CCT3: variants seen among roughly 807,000 people sequenced by gnomAD.
The protein encoded by CCT3 is T-complex protein 1 subunit gamma.
CCT3 carries 10 observed loss-of-function variants against 65.3 expected under a neutral mutation model. The observed-to-expected ratio is 0.15, with a 90% CI of 0.09 to 0.26. The LOEUF is 0.26. Ranked by LOEUF, CCT3 falls within the 10% of genes least tolerant of loss-of-function variation. CCT3 has a pLI of 1.00. For synonymous variants in CCT3, 225 were observed against 242.3 expected, an observed-to-expected ratio of 0.93 and a Z score of 0.66; for missense variants, 626 against 708.7, an observed-to-expected ratio of 0.88 and a Z score of 1.33.
intron 8 of CCT3, among the ~76,000 whole-genome samples, chr1:156,318,211 C>A (rs1455242265): frequency 2.0e-5 from 3 of 151,190 alleles, no homozygotes; most frequent in African/African-American, 7.3e-5. Context: ...TTGTGAGCCT[C>A]CTGCCCTCTA....
At chr1:156,315,828 T>C (rs1427336891) in intron 10 of CCT3, among the ~76,000 whole-genome samples, 1 of 152,142 alleles carries the variant, frequency 6.6e-6, no homozygotes, top group Non-Finnish European at 1.5e-5. Context: ...TTAGTTCTCA[T>C]GCATATCTAA....
chr1:156,312,662 A>C lies in CCT3; in HGVS notation c.975-441T>G, dbSNP rs142790555. 1.8e-3 allele frequency among the ~76,000 whole-genome samples: 275 copies of C among 152,064 alleles called. 2 individuals are homozygous for C. Among genetic ancestry groups the C allele is most frequent in the African/African-American group, 6.4e-3 (265 of 41,498 alleles). ...AACAGAGTGGGACCCTATCTAAAAA[A>C]AAACAAACACAAAAACCCCAAAAAA... On this transcript the variant is annotated intron_variant, in intron 10 of 13. Coordinates refer to ENST00000295688, the MANE Select transcript of CCT3 (RefSeq NM_005998.5).
At chr1:156,326,007 T>C (rs1336279846) in intron 5 of CCT3, among the ~76,000 whole-genome samples, 1 of 151,976 alleles carries the variant, frequency 6.6e-6, no homozygotes, top group Non-Finnish European at 1.5e-5. Context: ...CTGCTTGAAC[T>C]AAAAACAAAA....
intron 5 of CCT3, among the ~76,000 whole-genome samples, chr1:156,328,202 G>A (rs1288138050): frequency 8.6e-6 from 1 of 115,882 alleles, no homozygotes; most frequent in African/African-American, 2.8e-5. Context: ...GGGAGGTGGG[G>A]GGGGTCAGTC....
In CCT3 at chr1:156,310,782, G is replaced by T; in HGVS notation, c.1402-93C>A. 4.1e-6 allele frequency: 6 copies of T among 1,481,322 alleles called. No homozygotes were observed. In the South Asian group the frequency reaches 7.3e-5, roughly 18 times the overall value. The allele number at this position is 1,481,322 out of a possible 1,614,324, so 91.8% of individuals were successfully genotyped here. A position where few individuals can be genotyped will look rare whatever the true frequency, so the allele number is the denominator to read the frequency against. On this transcript the variant is annotated intron_variant, in intron 12 of 13. Transcript: ENST00000295688. ...AAAAACAATGGACCAGTATGGAAGG[G>T]ACAGGGAAAAATGGCAATGACAGCA...
rs978014371 is a variant in CCT3 at position 156,319,897 on chromosome 1, A to C, written c.610-880T>G. On this transcript the variant is annotated intron_variant, in intron 7 of 13. Transcript: ENST00000295688. ...CTATTTTAATAGCACTACATAATAG[A>C]GCCCTTGTTAAGCTTATATCCTGAC... is the stretch of plus-strand genomic sequence containing the variant. 3.3e-5 allele frequency among the ~76,000 whole-genome samples: 5 copies of C among 152,152 alleles called. No individual in the cohort carries two copies. The East Asian group carries it at 9.6e-4, about 29-fold the overall frequency.
At position 156,318,872 on chromosome 1, in the gene CCT3, C is replaced by G. The variant is rs1172255965; in HGVS notation, c.755G>C (p.Ser252Thr). The G allele has an allele frequency of 2.5e-6, 4 of 1,611,978 alleles. No homozygotes were observed. In the Admixed American group the frequency reaches 5.1e-5, roughly 20 times the overall value. Residue 252 changes from serine (S) to threonine (T), a missense_variant, in exon 8 of 14, where the codon AGC becomes ACC. Ser to Thr is a moderately conservative substitution (Grantham distance 58). Coordinates refer to ENST00000295688, the MANE Select transcript of CCT3 (RefSeq NM_005998.5). The part of the protein sequence containing the change: ...DSSLEYKKGE[S>T]QTDIEITREE... ...GAACAAGGCCAAGAACCTTACCTGG[C>G]TTTCTCCTTTCTTGTATTCCAGAGA...
At chr1:156,334,984 A>G in intron 2 of CCT3, 66 bp from the exon 3 acceptor site, 4 of 1,420,120 alleles carry the variant, frequency 2.8e-6, no homozygotes, top group Non-Finnish European at 3.0e-6. Flanking sequence ...ATGTTGGAGT[A>G]ATAGGGAAAA....
At chr1:156,329,787 A>C (rs2985709) in intron 5 of CCT3, among the ~76,000 whole-genome samples, 38,816 of 151,254 alleles carry the variant, frequency 0.26, 5,248 homozygotes, top group Non-Finnish European at 0.27. Flanking sequence ...AAAAATACAA[A>C]AATTAGCTGG....
chr1:156,336,667 C>T (rs1665384364), intron 1 of CCT3, among the ~76,000 whole-genome samples: 1 of 152,180 alleles, frequency 6.6e-6, no homozygotes, highest in Non-Finnish European at 1.5e-5. Flanking sequence ...AAATACACCA[C>T]TCACCCCCAG....
chr1:156,329,873 A>C (rs1201580063), intron 5 of CCT3, among the ~76,000 whole-genome samples: 5 of 151,748 alleles, frequency 3.3e-5, no homozygotes, highest in African/African-American at 7.3e-5. Context: ...CGGGAGGCAG[A>C]GGCTGCAGTG....
chr1:156,310,418 C>T (rs554091650), intron 13 of CCT3, 140 bp downstream of exon 13: 48 of 461,988 alleles, frequency 1.0e-4, no homozygotes, highest in South Asian at 2.2e-4. Context: ...TGCTTGAACC[C>T]GGGAGGCGGA....
chr1:156,313,362 AAGAG>A (rs1359299147), intron 10 of CCT3, among the ~76,000 whole-genome samples: 21 of 146,166 alleles, frequency 1.4e-4, no homozygotes, highest in Admixed American at 4.2e-4. Flanking sequence ...AAAAAAAAAA[AAGAG>A]AGAGAGAGAG....
At chr1:156,335,384 TCTTAGTA>T in intron 2 of CCT3, 1 of 181,822 alleles carries the variant, frequency 5.5e-6, no homozygotes. Flanking sequence ...GAAGTCCATG[TCTTAGTA>T]TTTCTTTCCA....
chr1:156,317,546 G>A lies in CCT3; in HGVS notation c.761C>T (p.Thr254Ile), dbSNP rs143746781. Residue 254 changes from threonine to isoleucine, a missense_variant and splice_region_variant, in exon 9 of 14, where the codon ACT (threonine) becomes ATT (isoleucine). Thr to Ile is a moderately conservative substitution (Grantham distance 89). Coordinates refer to ENST00000295688, the MANE Select transcript of CCT3 (RefSeq NM_005998.5). Reference sequence around the variant, plus strand: ...CTCCTCTCGTGTAATCTCAATGTCAGTCTGTGTGGTAAAGAAAAGACACTG... The same window carrying A: ...CTCCTCTCGTGTAATCTCAATGTCAATCTGTGTGGTAAAGAAAAGACACTG... ...SLEYKKGESQ[T>I]DIEITREEDF... 4.3e-6 allele frequency: 7 copies of A among 1,611,632 alleles called. No homozygotes were observed. In the East Asian group the frequency reaches 1.6e-4, roughly 36 times the overall value.
chr1:156,335,494 C>T (rs552598431), intron 2 of CCT3: 69 of 271,940 alleles, frequency 2.5e-4, no homozygotes, highest in African/African-American at 1.5e-3. Flanking sequence ...CCAAGATCTA[C>T]GGTGGGCACT....
At chr1:156,320,265 T>C (rs746087887) in intron 7 of CCT3, among the ~76,000 whole-genome samples, 6 of 151,898 alleles carry the variant, frequency 4.0e-5, no homozygotes, top group Non-Finnish European at 8.8e-5. Context: ...AGAAATTAGC[T>C]GGGCGTGGTG....
chr1:156,314,795 C>T (rs779501311), intron 10 of CCT3, among the ~76,000 whole-genome samples: 3 of 152,114 alleles, frequency 2.0e-5, no homozygotes, highest in Middle Eastern at 3.4e-3. Context: ...CAGTGCCAGA[C>T]GATGAGGAAG....
rs184866992 is a variant in CCT3, at chr1:156,327,054, T to C, written c.305-1965A>G. 3.7e-3 allele frequency among the ~76,000 whole-genome samples: 569 copies of C among 152,144 alleles called. 6 individuals are homozygous for C. The highest frequency in any genetic ancestry group is 0.033 in the Admixed American group (510 of 15,286). On this transcript the variant is annotated intron_variant, in intron 5 of 13. Coordinates refer to ENST00000295688, the MANE Select transcript of CCT3 (RefSeq NM_005998.5). ...GAGTGAGACTCTGTCTCAAAATAAA[T>C]AAACAAATAAAATTTGTCTTTACTT...
Sources: allele counts gnomAD v4.1 joint callset (sites outside exome capture counted in the v4.1 genomes callset), GRCh38; gene constraint gnomAD v4.1.1; transcripts MANE v1.5; gene names NCBI Gene and HGNC (gene_info 2026-07-23, HGNC 2026-07-21).